EPHB2: variants seen among roughly 807,000 people sequenced by gnomAD.
EPHB2 encodes ephrin type-B receptor 2.
In EPHB2, 18 loss-of-function variants were observed where a neutral mutation model predicts 96.4. That is an observed-to-expected ratio of 0.19 (90% CI 0.13 to 0.28). The LOEUF (loss-of-function observed/expected upper bound fraction) is 0.28. Ranked by LOEUF, EPHB2 falls within the 10% of genes least tolerant of loss-of-function variation. The pLI is 1.00. For synonymous variants in EPHB2, 506 were observed against 534.1 expected (o/e 0.95, Z 0.72); for missense variants, 989 against 1,355.4 (o/e 0.73, Z 4.25).
intron 1 of EPHB2, among the ~76,000 whole-genome samples, chr1:22,723,373 G>A (rs1005996937): frequency 2.6e-5 from 4 of 152,238 alleles, no homozygotes; most frequent in Non-Finnish European, 4.4e-5. Context: ...CCTCTTGCCT[G>A]TCTCCGTCAG....
intron 1 of EPHB2, among the ~76,000 whole-genome samples, chr1:22,717,974 T>A (rs139733908): frequency 4.6e-4 from 70 of 152,304 alleles, no homozygotes; most frequent in African/African-American, 1.6e-3. Flanking sequence ...GCAATGGATG[T>A]GTTAATCTGA....
chr1:22,845,757 C>G lies in EPHB2; in HGVS notation c.812-17280C>G, dbSNP rs200065683. Among the ~76,000 whole-genome samples, 3 of 152,086 alleles carry G rather than the reference C, an allele frequency of 2.0e-5. No homozygotes were observed. The East Asian group carries it at 5.8e-4, about 29-fold the overall frequency. On this transcript the variant is annotated intron_variant, in intron 3 of 15. Coordinates refer to ENST00000374630, the MANE Select transcript of EPHB2 (RefSeq NM_017449.5). The stretch of plus-strand genomic sequence containing the variant: ...ACGTACACAGACAGCACAGCAGCCC[C>G]AGGCCCTATAAACACATTGTTCAAA...
At chr1:22,890,380 T>TGCC (rs1570444127) in intron 6 of EPHB2, among the ~76,000 whole-genome samples, 1 of 152,176 alleles carries the variant, frequency 6.6e-6, no homozygotes, top group East Asian at 1.9e-4. Context: ...TCTCTGCTGC[T>TGCC]GCCCCACCCA....
At chr1:22,714,694 A>G (rs1643246409) in intron 1 of EPHB2, among the ~76,000 whole-genome samples, 1 of 152,154 alleles carries the variant, frequency 6.6e-6, no homozygotes, top group Admixed American at 6.5e-5. Flanking sequence ...CTGACTTGCA[A>G]TGTGTGGTGA....
In EPHB2 at chr1:22,804,448, G is replaced by A. The variant is rs115967359; in HGVS notation, c.811+19372G>A. Among the ~76,000 whole-genome samples the A allele has an allele frequency of 1.6e-3, 250 of 152,288 alleles. 2 individuals are homozygous for A. The highest frequency in any genetic ancestry group is 5.9e-3 in the African/African-American group (244 of 41,550). On this transcript the variant is annotated intron_variant, in intron 3 of 15. Transcript: ENST00000374630. ...CATGAATATAAAATGCAGAGGGTGTGTGAAGCCAAGAGATCAAGACGAGAC... is the reference window on the plus strand; with the variant it reads ...CATGAATATAAAATGCAGAGGGTGTATGAAGCCAAGAGATCAAGACGAGAC...
chr1:22,805,201 G>C (rs555670696), intron 3 of EPHB2, among the ~76,000 whole-genome samples: 3 of 152,188 alleles, frequency 2.0e-5, no homozygotes, highest in African/African-American at 7.2e-5. Context: ...TGTCCCACAG[G>C]GGGCCTGGCC....
chr1:22,844,513 CA>C (rs1216509179), intron 3 of EPHB2, among the ~76,000 whole-genome samples: 1 of 152,220 alleles, frequency 6.6e-6, no homozygotes, highest in Non-Finnish European at 1.5e-5. Flanking sequence ...TCCAGTTTGA[CA>C]GCAGGGTCTA....
Position 22,864,877 on chromosome 1 carries a change from C to G in EPHB2, c.968C>G (p.Thr323Ser). The G allele has an allele frequency of 1.9e-6, 3 of 1,603,498 alleles. No individual in the cohort carries two copies. Among genetic ancestry groups the G allele is most frequent in the Non-Finnish European group, 2.6e-6 (3 of 1,175,188 alleles). ...GACCAACACCTCTCCCCCGCCCCAGCCATCCCCTCCGCGCCCCAGGCTGTG... is the reference window on the plus strand; with the variant it reads ...GACCAACACCTCTCCCCCGCCCCAGGCATCCCCTCCGCGCCCCAGGCTGTG... ...DLDPLDMPCT[T>S]IPSAPQAVIS... The change falls in exon 5 of 16, where the codon ACC (threonine) becomes AGC (serine). Residue 323 changes from threonine to serine, a missense_variant and splice_region_variant. By Grantham distance (58) the Thr-to-Ser change is moderately conservative (BLOSUM62 1). Coordinates refer to ENST00000374630, the MANE Select transcript of EPHB2 (RefSeq NM_017449.5).
At chr1:22,715,702 G>C (rs980476094) in intron 1 of EPHB2, among the ~76,000 whole-genome samples, 9 of 152,178 alleles carry the variant, frequency 5.9e-5, no homozygotes, top group Non-Finnish European at 1.3e-4. Flanking sequence ...GAGTCACCAG[G>C]CACCTAGTTC....
At chr1:22,878,570 C>T (rs1271085640) in intron 5 of EPHB2, among the ~76,000 whole-genome samples, 2 of 152,214 alleles carry the variant, frequency 1.3e-5, no homozygotes, top group African/African-American at 4.8e-5. Context: ...TGAGGGGCGC[C>T]CAGCACCCCA....
chr1:22,724,004 T>C (rs983398876), intron 1 of EPHB2, among the ~76,000 whole-genome samples: 3 of 152,250 alleles, frequency 2.0e-5, no homozygotes, highest in African/African-American at 4.8e-5. Flanking sequence ...CATGTACCCA[T>C]GGCCATTTGG....
chr1:22,872,777 G>A (rs975142236), intron 5 of EPHB2, among the ~76,000 whole-genome samples: 28 of 152,204 alleles, frequency 1.8e-4, no homozygotes, highest in Admixed American at 1.7e-3. Flanking sequence ...CCTGCTGTGG[G>A]GCGGGCACAC....
intron 9 of EPHB2, among the ~76,000 whole-genome samples, chr1:22,899,318 A>G (rs1265725098): frequency 1.3e-5 from 2 of 151,898 alleles, no homozygotes; most frequent in Non-Finnish European, 2.9e-5. Context: ...CCCTACCAAC[A>G]TGGTGAAACC....
intron 1 of EPHB2, among the ~76,000 whole-genome samples, chr1:22,763,824 G>A (rs1570236608): frequency 6.6e-6 from 1 of 152,286 alleles, no homozygotes; most frequent in South Asian, 2.1e-4. Context: ...ACCTCCAGAA[G>A]CTCAGGAGGA....
intron 3 of EPHB2, among the ~76,000 whole-genome samples, chr1:22,788,251 G>T (rs1366388253): frequency 6.6e-6 from 1 of 152,216 alleles, no homozygotes; most frequent in Non-Finnish European, 1.5e-5. Context: ...GAGGGTGCAA[G>T]GTGGGGCAGG....
intron 5 of EPHB2, among the ~76,000 whole-genome samples, chr1:22,869,947 G>T (rs778250507): frequency 6.6e-6 from 1 of 152,186 alleles, no homozygotes; most frequent in Non-Finnish European, 1.5e-5. Flanking sequence ...GGCACCTAGA[G>T]GGGGCTGCAC....
chr1:22,808,675 G>C (rs2148458454), intron 3 of EPHB2, among the ~76,000 whole-genome samples: 2 of 152,306 alleles, frequency 1.3e-5, no homozygotes, highest in Middle Eastern at 6.8e-3. Flanking sequence ...TATATACCAG[G>C]CACAGTTCTA....
chr1:22,819,210 T>TCTCC (rs1645116825), intron 3 of EPHB2, among the ~76,000 whole-genome samples: 2 of 101,224 alleles, frequency 2.0e-5, no homozygotes, highest in East Asian at 4.7e-4. Flanking sequence ...CAGATGTCTC[T>TCTCC]CTCTCTCTCT....
intron 1 of EPHB2, among the ~76,000 whole-genome samples, chr1:22,767,590 G>A (rs1302605530): frequency 6.6e-6 from 1 of 152,212 alleles, no homozygotes; most frequent in Non-Finnish European, 1.5e-5. Flanking sequence ...TGCCTGGCAG[G>A]TCGTAGGTGC....
Sources: allele counts gnomAD v4.1 joint callset (sites outside exome capture counted in the v4.1 genomes callset), GRCh38; gene constraint gnomAD v4.1.1; transcripts MANE v1.5; gene names NCBI Gene and HGNC (gene_info 2026-07-23, HGNC 2026-07-21).